DAB1: variants seen among roughly 807,000 people sequenced by gnomAD.
DAB1 encodes disabled homolog 1.
DAB1 carries 15 observed loss-of-function variants against 64.6 expected under a neutral mutation model. The ratio of observed to expected loss-of-function variants is 0.23; its 90% CI spans 0.16 to 0.36. The LOEUF (loss-of-function observed/expected upper bound fraction) is 0.36, where lower values mean the gene tolerates loss of function less well. Among genes scored for constraint, DAB1 ranks in the 10% least tolerant of loss-of-function variants. DAB1 has a pLI of 1.00. For missense variants in DAB1, 596 were observed against 706.7 expected (o/e 0.84, Z 1.78); for synonymous variants, 235 against 251.9 (o/e 0.93, Z 0.64).
At chr1:58,065,141 T>C (rs1648775994) in intron 5 of DAB1, among the ~76,000 whole-genome samples, 1 of 152,198 alleles carries the variant, frequency 6.6e-6, no homozygotes, top group African/African-American at 2.4e-5. Flanking sequence ...CTAAAATTTA[T>C]TGAGCACTTA....
intron 4 of DAB1, among the ~76,000 whole-genome samples, chr1:58,296,902 G>A (rs530230170): frequency 1.3e-5 from 2 of 152,282 alleles, no homozygotes; most frequent in Admixed American, 6.5e-5. Context: ...ACTTCATAGG[G>A]TTGTCCAGAG....
At chr1:57,070,712 CAGAAT>C (rs1462469334) in intron 7 of DAB1, 35 of 359,292 alleles carry the variant, frequency 9.7e-5, no homozygotes, top group African/African-American at 4.2e-5. Flanking sequence ...CTAATGAACT[CAGAAT>C]ATTCAAGAGA....
intron 2 of DAB1, among the ~76,000 whole-genome samples, chr1:57,246,330 T>C (rs1668873371): frequency 6.6e-6 from 1 of 152,164 alleles, no homozygotes; most frequent in Admixed American, 6.5e-5. Flanking sequence ...GCTCCACCCA[T>C]GGCTAAAAGG....
At chr1:58,347,170 C>T (rs897927250) in intron 3 of DAB1, among the ~76,000 whole-genome samples, 1 of 152,152 alleles carries the variant, frequency 6.6e-6, no homozygotes, top group Non-Finnish European at 1.5e-5. Context: ...TGCAATGACA[C>T]AATCTCGGCT....
intron 5 of DAB1, among the ~76,000 whole-genome samples, chr1:57,903,308 T>C (rs1644503419): frequency 6.6e-6 from 1 of 152,166 alleles, no homozygotes; most frequent in South Asian, 2.1e-4. Context: ...ATTCTATCAT[T>C]CCTCTAAGTT....
intron 6 of DAB1, among the ~76,000 whole-genome samples, chr1:57,687,634 A>G (rs958341378): frequency 6.6e-6 from 1 of 151,286 alleles, no homozygotes; most frequent in Non-Finnish European, 1.5e-5. Context: ...AAAAGAACAA[A>G]GCTCTAGGCA....
intron 4 of DAB1, among the ~76,000 whole-genome samples, chr1:58,276,832 A>G (rs1178130804): frequency 6.6e-6 from 1 of 152,128 alleles, no homozygotes; most frequent in East Asian, 1.9e-4. Context: ...TGTCATAGAA[A>G]TAAAGAATGA....
intron 4 of DAB1, among the ~76,000 whole-genome samples, chr1:58,290,112 T>C (rs1661779099): frequency 6.6e-6 from 1 of 152,184 alleles, no homozygotes; most frequent in Non-Finnish European, 1.5e-5. Flanking sequence ...TAGGACCCCT[T>C]CTTTCAAAGA....
At chr1:58,490,610 C>T (rs375672794) in intron 3 of DAB1, among the ~76,000 whole-genome samples, 17,445 of 151,624 alleles carry the variant, frequency 0.12, 1,167 homozygotes, top group African/African-American at 0.18. Context: ...AGATACTCCT[C>T]GAGAAGAGCA....
intron 5 of DAB1, among the ~76,000 whole-genome samples, chr1:58,003,938 G>T (rs183462764): frequency 2.9e-4 from 44 of 152,268 alleles, no homozygotes; most frequent in African/African-American, 1.0e-3. Flanking sequence ...GCTTCAGGAC[G>T]GGAAGTGGGG....
intron 4 of DAB1, among the ~76,000 whole-genome samples, chr1:58,213,747 T>C (rs1180192499): frequency 2.0e-5 from 3 of 152,148 alleles, no homozygotes; most frequent in African/African-American, 4.8e-5. Context: ...TACAGAAGTG[T>C]CTGGATCTGT....
intron 5 of DAB1, among the ~76,000 whole-genome samples, chr1:58,147,930 A>T (rs564167644): frequency 2.1e-5 from 3 of 145,560 alleles, no homozygotes; most frequent in Admixed American, 6.9e-5. Context: ...TTCAATCCAT[A>T]TCTGTATTAC....
chr1:58,205,319 TC>T (rs1658210438), intron 4 of DAB1, among the ~76,000 whole-genome samples: 1 of 152,214 alleles, frequency 6.6e-6, no homozygotes, highest in Admixed American at 6.5e-5. Context: ...TTTAATTCAT[TC>T]CCCTTTCCCC....
At chr1:57,969,862 C>T (rs72922524) in intron 5 of DAB1, among the ~76,000 whole-genome samples, 5,788 of 152,214 alleles carry the variant, frequency 0.038, 200 homozygotes, top group East Asian at 0.12. Flanking sequence ...GATATTGCTA[C>T]AGGCTGAATA....
At chr1:58,300,590 AAGAAAGAAAGAAAGAAAGAAAGAGAG>A (rs1380085169) in intron 4 of DAB1, among the ~76,000 whole-genome samples, 32 of 30,200 alleles carry the variant, frequency 1.1e-3, no homozygotes, top group African/African-American at 2.7e-3. Context: ...GAAAGAAAGA[AAGAAAGAAAGAAAGAAAGAAAGAGAG>A]AGAGAGAGAG....
At chr1:58,033,564 C>T (rs758683597) in intron 5 of DAB1, among the ~76,000 whole-genome samples, 4 of 152,154 alleles carry the variant, frequency 2.6e-5, no homozygotes, top group Non-Finnish European at 5.9e-5. Flanking sequence ...TTTGTGTTTC[C>T]CTCTCACAAT....
At chr1:57,574,047 T>G (rs1645221473) in intron 7 of DAB1, among the ~76,000 whole-genome samples, 1 of 152,176 alleles carries the variant, frequency 6.6e-6, no homozygotes, top group South Asian at 2.1e-4. Context: ...GAAGAATGAT[T>G]CTGGAAGGAT....
intron 3 of DAB1, among the ~76,000 whole-genome samples, chr1:58,381,169 C>A (rs1223896464): frequency 6.6e-6 from 1 of 152,118 alleles, no homozygotes; most frequent in Non-Finnish European, 1.5e-5. Context: ...GGAGAGAGAG[C>A]TTCAAGAAGA....
rs188824787 is a variant in DAB1 at position 57,519,812 on chromosome 1, T to A, written n.625+129780A>T. ...CAAAGGAATATAATCCCCCGGCACT[T>A]CTATTGATCTAAGGGAATTGCTTTT... On this transcript the variant is annotated intron_variant and non_coding_transcript_variant, in intron 7 of 20. Transcript: ENST00000485760. Among the ~76,000 whole-genome samples the A allele has an allele frequency of 5.9e-3, 899 of 152,328 alleles. 6 individuals carry two copies. The highest frequency in any genetic ancestry group is 0.011 in the Non-Finnish European group (721 of 68,022).
Sources: allele counts gnomAD v4.1 joint callset (sites outside exome capture counted in the v4.1 genomes callset), GRCh38; gene constraint gnomAD v4.1.1; transcripts MANE v1.5; gene names NCBI Gene and HGNC (gene_info 2026-07-23, HGNC 2026-07-21).